NFX1: variants seen among roughly 807,000 people sequenced by gnomAD.
The protein encoded by NFX1 is transcriptional repressor NF-X1.
In NFX1, 69 loss-of-function variants were observed where a neutral mutation model predicts 137.2. That is an observed-to-expected ratio of 0.50 (90% confidence interval 0.41 to 0.61). The LOEUF is 0.61. Among genes scored for constraint, NFX1 ranks in the 20% least tolerant of loss-of-function variants. The pLI is 0.00. For missense variants in NFX1, 1,167 were observed against 1,391.0 expected (o/e 0.84, Z 2.56); for synonymous variants, 495 against 474.1 (o/e 1.04, Z -0.57).
intron 9 of NFX1, 117 bp downstream of exon 9, chr9:33,319,244 T>G: frequency 1.2e-6 from 1 of 829,204 alleles, no homozygotes; most frequent in Non-Finnish European, 1.9e-6. Flanking sequence ...TTCTAAATAT[T>G]ATGATCATAT....
intron 11 of NFX1, among the ~76,000 whole-genome samples, chr9:33,336,840 G>A (rs543181664): frequency 1.3e-5 from 2 of 152,202 alleles, no homozygotes; most frequent in South Asian, 2.1e-4. Context: ...AGTAGCTCAC[G>A]CCTGTAATCC....
At chr9:33,319,641 C>T (rs1822308638) in intron 9 of NFX1, among the ~76,000 whole-genome samples, 1 of 152,144 alleles carries the variant, frequency 6.6e-6, no homozygotes, top group Non-Finnish European at 1.5e-5. Flanking sequence ...TCCCAAGTAG[C>T]TGGGACTACA....
At chr9:33,323,788 A>C (rs1003590759) in intron 9 of NFX1, among the ~76,000 whole-genome samples, 1 of 150,720 alleles carries the variant, frequency 6.6e-6, no homozygotes, top group East Asian at 1.9e-4. Context: ...CAAATAAATA[A>C]ATATCTTCAA....
At chr9:33,326,132 G>A (rs1205855534) in intron 9 of NFX1, among the ~76,000 whole-genome samples, 5 of 152,132 alleles carry the variant, frequency 3.3e-5, no homozygotes, top group African/African-American at 4.8e-5. Flanking sequence ...TAAGAGGGGG[G>A]CTAGGCGCAG....
intron 11 of NFX1, among the ~76,000 whole-genome samples, chr9:33,333,551 AT>A (rs530996121): frequency 7.2e-4 from 109 of 152,316 alleles, no homozygotes; most frequent in African/African-American, 2.5e-3. Context: ...TTCTCTTCCT[AT>A]GTAAGAGCAA....
At position 33,299,032 on chromosome 9, in the gene NFX1, TTGTC is replaced by T. The variant is rs1283692916; in HGVS notation, c.1034-2227_1034-2224del. On this transcript the variant is annotated intron_variant, in intron 2 of 23. Transcript: ENST00000379540. ...CAAAGCCTAGTAGAGAAAAAGGTGTTTGTCTGTAAAATGTTTCAGTTTGGAATAA... is the reference window on the plus strand; with the variant it reads ...CAAAGCCTAGTAGAGAAAAAGGTGTTTGTAAAATGTTTCAGTTTGGAATAA... Among the ~76,000 whole-genome samples, 8 of 152,326 alleles carry T rather than the reference TTGTC, an allele frequency of 5.3e-5. No homozygotes were observed. In the East Asian group the frequency reaches 1.2e-3, roughly 22 times the overall value.
At chr9:33,292,643 T>C (rs1470438664) in intron 1 of NFX1, among the ~76,000 whole-genome samples, 1 of 152,252 alleles carries the variant, frequency 6.6e-6, no homozygotes, top group Non-Finnish European at 1.5e-5. Flanking sequence ...ATGTCTCTTA[T>C]GGGTTTTTTT....
At chr9:33,337,841 G>C (rs1348986375) in intron 11 of NFX1, among the ~76,000 whole-genome samples, 1 of 152,162 alleles carries the variant, frequency 6.6e-6, no homozygotes, top group African/African-American at 2.4e-5. Flanking sequence ...CTGAGGTCAG[G>C]TGTTCAAGAC....
chr9:33,358,992 C>T (rs1161326353), intron 19 of NFX1, among the ~76,000 whole-genome samples: 1 of 151,908 alleles, frequency 6.6e-6, no homozygotes, highest in Non-Finnish European at 1.5e-5. Context: ...AGCCACCACA[C>T]CCGGCCTAAA....
chr9:33,318,896 T>G lies in NFX1; in HGVS notation c.1689-14T>G, dbSNP rs751312611. 1.2e-6 allele frequency: 2 copies of G among 1,614,236 alleles called. No individual in the cohort carries two copies. The highest frequency in any genetic ancestry group is 1.7e-6 in the Non-Finnish European group (2 of 1,180,018). On this transcript the variant is annotated splice_polypyrimidine_tract_variant and intron_variant, in intron 8 of 23. Transcript: ENST00000379540. ...TTTATGCAACAATTATGTAATAGTGTGTTTTCTTAACAGGGACTTGAAATG... is the reference window on the plus strand; with the variant it reads ...TTTATGCAACAATTATGTAATAGTGGGTTTTCTTAACAGGGACTTGAAATG...
At chr9:33,319,223 A>G in intron 9 of NFX1, 96 bp downstream of exon 9, 2 of 973,800 alleles carry the variant, frequency 2.1e-6, no homozygotes, top group Non-Finnish European at 3.1e-6. Flanking sequence ...GCTAGTTACA[A>G]TATCAGAGGT....
At chr9:33,313,211 C>A (rs1171294720) in intron 6 of NFX1, among the ~76,000 whole-genome samples, 2 of 152,008 alleles carry the variant, frequency 1.3e-5, no homozygotes, top group Non-Finnish European at 2.9e-5. Flanking sequence ...AAAGCAAATA[C>A]TCAGGAATAG....
chr9:33,336,150 A>G (rs1822993458), intron 11 of NFX1, among the ~76,000 whole-genome samples: 1 of 152,096 alleles, frequency 6.6e-6, no homozygotes, highest in Non-Finnish European at 1.5e-5. Context: ...TTATATTCCT[A>G]CCATCAGTGT....
At chr9:33,319,447 A>G (rs1045655549) in intron 9 of NFX1, among the ~76,000 whole-genome samples, 1 of 152,218 alleles carries the variant, frequency 6.6e-6, no homozygotes, top group Non-Finnish European at 1.5e-5. Flanking sequence ...ATACCAATCC[A>G]GGGTTCAGCA....
intron 3 of NFX1, 50 bp from the exon 4 acceptor site, chr9:33,303,141 G>A (rs2118240887): frequency 1.4e-6 from 2 of 1,453,830 alleles, no homozygotes; most frequent in Non-Finnish European, 1.9e-6. Flanking sequence ...TTAATTACAT[G>A]TAGCTTTTGG....
chr9:33,347,763 A>G, intron 15 of NFX1: 1 of 345,276 alleles, frequency 2.9e-6, no homozygotes, highest in South Asian at 2.3e-5. Context: ...CAATTGCAAA[A>G]ATGTGGAACC....
chr9:33,362,517 A>G (rs1270667568), intron 19 of NFX1, among the ~76,000 whole-genome samples: 1 of 152,138 alleles, frequency 6.6e-6, no homozygotes, highest in Non-Finnish European at 1.5e-5. Context: ...AGACACAGAA[A>G]GACAGACACC....
chr9:33,303,057 A>G (rs1444040741), intron 3 of NFX1, 134 bp from the exon 4 acceptor site: 3 of 651,972 alleles, frequency 4.6e-6, no homozygotes, highest in South Asian at 1.8e-5. Flanking sequence ...TTGTTCCTTA[A>G]ATGTCTGATA....
At chr9:33,291,168 C>T (rs1259462094) in intron 1 of NFX1, among the ~76,000 whole-genome samples, 2 of 152,208 alleles carry the variant, frequency 1.3e-5, no homozygotes, top group Non-Finnish European at 2.9e-5. Flanking sequence ...CCTGGAGTTG[C>T]CTCAGTGTGT....
Sources: allele counts gnomAD v4.1 joint callset (sites outside exome capture counted in the v4.1 genomes callset), GRCh38; gene constraint gnomAD v4.1.1; transcripts MANE v1.5; gene names NCBI Gene and HGNC (gene_info 2026-07-23, HGNC 2026-07-21).